SSPN: variants seen among roughly 807,000 people sequenced by gnomAD.
SSPN encodes the protein sarcospan, also known as K-ras oncogene-associated protein.
In SSPN, 15 loss-of-function variants were observed where a neutral mutation model predicts 19.1. That is an observed-to-expected ratio of 0.78 (90% CI 0.52 to 1.21). SSPN has a LOEUF of 1.21. Ranked by LOEUF, SSPN falls within the 50% of genes most tolerant of loss-of-function variation. The pLI, the probability that SSPN is intolerant of heterozygous loss-of-function variation, is 0.00. For synonymous variants in SSPN, 147 were observed against 140.3 expected, an observed-to-expected ratio of 1.05 and a Z score of -0.34; for missense variants, 291 against 314.0, an observed-to-expected ratio of 0.93 and a Z score of 0.55.
At chr12:26,196,019 T>A in intron 1 of SSPN, 68 bp downstream of exon 1, 1 of 1,292,286 alleles carries the variant, frequency 7.7e-7, no homozygotes, top group Non-Finnish European at 1.0e-6. Context: ...ATGGTCGAGT[T>A]GAGACTAACC....
chr12:26,162,700 A>G (rs1286784225), intron 1 of SSPN, among the ~76,000 whole-genome samples: 1 of 151,434 alleles, frequency 6.6e-6, no homozygotes, highest in Non-Finnish European at 1.5e-5. Context: ...TGAATGAAAC[A>G]ATTTACTAAA....
intron 1 of SSPN, among the ~76,000 whole-genome samples, chr12:26,150,783 C>T (rs1366697071): frequency 6.6e-6 from 1 of 152,086 alleles, no homozygotes; most frequent in Admixed American, 6.6e-5. Flanking sequence ...TTTTTTAGCC[C>T]TCTCTTAAGA....
chr12:26,124,672 C>G, intron 1 of SSPN: 1 of 1,613,702 alleles, frequency 6.2e-7, no homozygotes, highest in African/African-American at 1.3e-5. Context: ...AGAAAAAAAT[C>G]AAACCAAAGC....
intron 1 of SSPN, chr12:26,211,139 ATGAC>A (rs1944981958): frequency 6.6e-6 from 1 of 152,166 alleles, no homozygotes; most frequent in African/African-American, 2.4e-5. Context: ...GTCATGTCCT[ATGAC>A]TGTTCAGCCC....
chr12:26,124,257 C>CCCCCA, intron 1 of SSPN: 2 of 524,512 alleles, frequency 3.8e-6, no homozygotes, highest in Admixed American at 2.6e-5. Flanking sequence ...TCGTCTGCCC[C>CCCCCA]CCCCGCCCCC....
At position 26,174,507 on chromosome 12, in the gene SSPN, T is replaced by TCCTTCCTTCCTTCCTTCCTTCCCTTC. The variant is rs1555177716; in HGVS notation, c.-30-49764_-30-49763insCTTCCCTTCCTTCCTTCCTTCCTTCC. On this transcript the variant is annotated intron_variant, in intron 1 of 2. Coordinates refer to the SSPN transcript ENST00000538142. ...TCCTTCCTTCCTTCCTTCCTTCCCT[T>TCCTTCCTTCCTTCCTTCCTTCCCTTC]CCTTCCTTCCTTCCTTCCTTCCTTT... Among the ~76,000 whole-genome samples, 10 of 116,820 alleles carry TCCTTCCTTCCTTCCTTCCTTCCCTTC rather than the reference T, an allele frequency of 8.6e-5. 1 individual carries two copies. Among genetic ancestry groups the TCCTTCCTTCCTTCCTTCCTTCCCTTC allele is most frequent in the African/African-American group, 3.7e-4 (9 of 24,286 alleles). 76.6% of individuals were successfully genotyped at this position (116,820 alleles called of 152,430 possible). A position where few individuals can be genotyped will look rare whatever the true frequency, so the allele number is the denominator to read the frequency against.
At chr12:26,168,782 G>C (rs892147292) in intron 1 of SSPN, among the ~76,000 whole-genome samples, 1 of 152,138 alleles carries the variant, frequency 6.6e-6, no homozygotes, top group Non-Finnish European at 1.5e-5. Context: ...AAATCCATAC[G>C]ACTTAGTGAT....
intron 1 of SSPN, among the ~76,000 whole-genome samples, chr12:26,210,364 C>G (rs1944972497): frequency 6.6e-6 from 1 of 151,600 alleles, no homozygotes; most frequent in African/African-American, 2.4e-5. Flanking sequence ...TTTAAATATC[C>G]ATGATTAACT....
chr12:26,150,321 G>A (rs1297604399), intron 1 of SSPN, among the ~76,000 whole-genome samples: 2 of 152,196 alleles, frequency 1.3e-5, no homozygotes, highest in African/African-American at 2.4e-5. Flanking sequence ...GCAAAGTTCA[G>A]TAAAAGGTTT....
At chr12:26,137,862 C>T (rs1414753009) in intron 1 of SSPN, among the ~76,000 whole-genome samples, 1 of 151,136 alleles carries the variant, frequency 6.6e-6, no homozygotes, top group African/African-American at 2.4e-5. Flanking sequence ...AGACGGGTTT[C>T]ACCCTGTTGG....
intron 1 of SSPN, among the ~76,000 whole-genome samples, chr12:26,155,684 GTGA>G (rs1345869715): frequency 6.6e-6 from 1 of 152,196 alleles, no homozygotes; most frequent in African/African-American, 2.4e-5. Flanking sequence ...CATGATAAAT[GTGA>G]AGGAAAGAGC....
At chr12:26,123,671 A>G (rs1329268208) in intron 1 of SSPN, 1 of 1,614,074 alleles carries the variant, frequency 6.2e-7, no homozygotes. Context: ...TTGCTCGGTT[A>G]AGGCGGTTAA....
chr12:26,199,346 G>A (rs1453163589), intron 1 of SSPN, among the ~76,000 whole-genome samples: 1 of 152,122 alleles, frequency 6.6e-6, no homozygotes, highest in Non-Finnish European at 1.5e-5. Context: ...GATGATTGAA[G>A]TCTTTTTACT....
intron 1 of SSPN, chr12:26,122,293 C>G (rs2137385120): frequency 1.7e-6 from 2 of 1,183,474 alleles, no homozygotes; most frequent in Non-Finnish European, 2.1e-6. Context: ...GCGGCGGCGG[C>G]GGCGGCAGCG....
chr12:26,122,688 G>A, intron 1 of SSPN: 3 of 1,554,648 alleles, frequency 1.9e-6, no homozygotes, highest in Non-Finnish European at 8.7e-7. Flanking sequence ...CCTCTTGGGC[G>A]CCGGCGAGTC....
At chr12:26,160,162 G>A (rs2137423445) in intron 1 of SSPN, among the ~76,000 whole-genome samples, 1 of 152,308 alleles carries the variant, frequency 6.6e-6, no homozygotes, top group East Asian at 1.9e-4. Context: ...GCACTGTTTG[G>A]TCCAGGCTAC....
At chr12:26,166,788 T>C (rs190435698) in intron 1 of SSPN, among the ~76,000 whole-genome samples, 81 of 152,332 alleles carry the variant, frequency 5.3e-4, no homozygotes, top group Middle Eastern at 6.8e-3. Flanking sequence ...GCCAAAAGTA[T>C]TTACTCTCTG....
chr12:26,196,910 G>T (rs767878404), intron 1 of SSPN, among the ~76,000 whole-genome samples: 33 of 152,136 alleles, frequency 2.2e-4, no homozygotes, highest in Non-Finnish European at 2.4e-4. Flanking sequence ...CACCACATTT[G>T]GTTTGTAACT....
At chr12:26,181,676 G>A (rs1944719288) in intron 1 of SSPN, among the ~76,000 whole-genome samples, 1 of 152,006 alleles carries the variant, frequency 6.6e-6, no homozygotes, top group Admixed American at 6.6e-5. Flanking sequence ...TTTTGGCTTT[G>A]TAGAATAATC....
Sources: allele counts gnomAD v4.1 joint callset (sites outside exome capture counted in the v4.1 genomes callset), GRCh38; gene constraint gnomAD v4.1.1; transcripts MANE v1.5; gene names NCBI Gene and HGNC (gene_info 2026-07-23, HGNC 2026-07-21).